Variants in RBFOX2 observed in about 807,000 individuals in gnomAD.
The protein encoded by RBFOX2 is RNA binding protein fox-1 homolog 2.
A neutral mutation model predicts 49.1 loss-of-function variants in RBFOX2; 10 were observed. The observed-to-expected ratio is 0.20, with a 90% confidence interval of 0.13 to 0.35. RBFOX2 has a LOEUF of 0.35. RBFOX2 is among the 10% of genes least tolerant of loss of function. RBFOX2 has a pLI of 1.00. For synonymous variants in RBFOX2, 183 were observed against 187.4 expected, an observed-to-expected ratio of 0.98 and a Z score of 0.19; for missense variants, 323 against 486.9, an observed-to-expected ratio of 0.66 and a Z score of 3.17.
intron 1 of RBFOX2, among the ~76,000 whole-genome samples, chr22:35,850,082 C>T (rs2041728856): frequency 6.6e-6 from 1 of 151,988 alleles, no homozygotes; most frequent in South Asian, 2.1e-4. Context: ...AGAGAATACT[C>T]CCAATCCAGG....
intron 4 of RBFOX2, among the ~76,000 whole-genome samples, chr22:35,770,828 G>A (rs536097615): frequency 6.6e-6 from 1 of 152,138 alleles, no homozygotes; most frequent in Non-Finnish European, 1.5e-5. Flanking sequence ...TCTCAATAAT[G>A]ACTAACATTC....
intron 1 of RBFOX2, among the ~76,000 whole-genome samples, chr22:35,981,693 A>G (rs997753685): frequency 1.2e-4 from 19 of 152,236 alleles, no homozygotes; most frequent in African/African-American, 3.1e-4. Context: ...AGCATTCACC[A>G]AAGTTAATTT....
intron 11 of RBFOX2, among the ~76,000 whole-genome samples, chr22:35,745,198 T>A (rs1034066844): frequency 9.2e-5 from 14 of 152,156 alleles, no homozygotes; most frequent in African/African-American, 3.4e-4. Context: ...AGTTGCCCAG[T>A]TGCATTTTGG....
At chr22:35,921,888 C>T (rs1430304738) in intron 1 of RBFOX2, among the ~76,000 whole-genome samples, 5 of 152,186 alleles carry the variant, frequency 3.3e-5, no homozygotes, top group Non-Finnish European at 4.4e-5. Flanking sequence ...ACTTGCTTTG[C>T]TCTGGGTGCC....
intron 1 of RBFOX2, among the ~76,000 whole-genome samples, chr22:35,977,392 T>C (rs1324842075): frequency 6.6e-6 from 1 of 152,068 alleles, no homozygotes; most frequent in African/African-American, 2.4e-5. Flanking sequence ...GCATTACTAA[T>C]ACCTAAAACA....
At chr22:35,898,460 CTG>C (rs2048148830) in intron 1 of RBFOX2, 2 of 413,774 alleles carry the variant, frequency 4.8e-6, no homozygotes, top group South Asian at 4.6e-5. Flanking sequence ...GGGTCTCACT[CTG>C]TAGCCCAGGC....
upstream of RBFOX2, among the ~76,000 whole-genome samples, chr22:35,842,986 T>TA (rs543248117): frequency 8.6e-5 from 13 of 152,008 alleles, no homozygotes; most frequent in South Asian, 2.3e-3. Context: ...GGTACAAGCT[T>TA]AAAAAAAATG....
chr22:35,777,008 G>C (rs986378903), intron 4 of RBFOX2, among the ~76,000 whole-genome samples: 32 of 151,710 alleles, frequency 2.1e-4, no homozygotes, highest in Non-Finnish European at 1.5e-4. Context: ...AGTAAATAGG[G>C]GAAATAATTT....
chr22:35,900,057 G>C (rs2048379305), intron 1 of RBFOX2, among the ~76,000 whole-genome samples: 1 of 152,182 alleles, frequency 6.6e-6, no homozygotes, highest in Admixed American at 6.5e-5. Context: ...TGGGCAGAAA[G>C]GGTCTGGAGC....
At chr22:35,832,183 C>T (rs1320162635) in intron 1 of RBFOX2, among the ~76,000 whole-genome samples, 1 of 152,098 alleles carries the variant, frequency 6.6e-6, no homozygotes, top group African/African-American at 2.4e-5. Flanking sequence ...ACCAGTCTGG[C>T]CAACATGGTG....
chr22:35,843,370 T>C (rs970031801), upstream of RBFOX2, among the ~76,000 whole-genome samples: 3 of 152,144 alleles, frequency 2.0e-5, no homozygotes, highest in Admixed American at 1.3e-4. Flanking sequence ...GTCTGGGACG[T>C]GGTAAGTACT....
rs117386227 is a variant in RBFOX2, at chr22:35,855,220, A to T, written c.-33-45216T>A. On this transcript the variant is annotated intron_variant, in intron 1 of 13. Coordinates refer to the RBFOX2 transcript ENST00000359369. ...CTAGAAATAAAAAGACTAATTTTCC[A>T]CAATAAACTCAAGAGTTATTGGCTG... Among the ~76,000 whole-genome samples, 94 of 152,306 alleles carry T rather than the reference A, an allele frequency of 6.2e-4. 3 individuals carry two copies. In the East Asian group the frequency reaches 0.017, roughly 28 times the overall value.
chr22:35,848,316 C>A (rs1430428829), intron 1 of RBFOX2, among the ~76,000 whole-genome samples: 1 of 152,090 alleles, frequency 6.6e-6, no homozygotes, highest in Admixed American at 6.5e-5. Flanking sequence ...TAAGTGAAAT[C>A]CACAAATATA....
In RBFOX2 at chr22:35,806,949, G is replaced by A. The variant is rs1036032207; in HGVS notation, c.252+2831C>T. 3.9e-5 allele frequency among the ~76,000 whole-genome samples: 6 copies of A among 152,098 alleles called. No individual in the cohort carries two copies. In the East Asian group the frequency reaches 7.7e-4, roughly 20 times the overall value. On this transcript the variant is annotated intron_variant, in intron 2 of 11. Coordinates refer to ENST00000405409, the Ensembl canonical transcript of RBFOX2. ...CCTCTGAGTAGCTGGGATTACAGGC[G>A]CACACCACCACGCCCGGCTAATTTT...
intron 2 of RBFOX2, among the ~76,000 whole-genome samples, chr22:35,804,385 A>G (rs918963480): frequency 1.3e-5 from 2 of 152,228 alleles, no homozygotes; most frequent in Admixed American, 6.5e-5. Context: ...ATGAATATAT[A>G]TTTCAAAATC....
intron 9 of RBFOX2, among the ~76,000 whole-genome samples, chr22:35,758,657 T>A (rs1478681068): frequency 6.6e-6 from 1 of 152,190 alleles, no homozygotes; most frequent in Non-Finnish European, 1.5e-5. Context: ...GATGATGGAA[T>A]GCATGTGATT....
chr22:35,983,148 T>A (rs966245829), intron 1 of RBFOX2, among the ~76,000 whole-genome samples: 1 of 152,198 alleles, frequency 6.6e-6, no homozygotes, highest in East Asian at 1.9e-4. Flanking sequence ...GGGTGATGAA[T>A]GTAGCTATCA....
At chr22:35,921,700 T>C (rs967652244) in intron 1 of RBFOX2, among the ~76,000 whole-genome samples, 8 of 152,180 alleles carry the variant, frequency 5.3e-5, no homozygotes, top group Non-Finnish European at 1.2e-4. Flanking sequence ...AGTCAGCAAA[T>C]AACAATTATT....
intron 2 of RBFOX2, among the ~76,000 whole-genome samples, chr22:35,802,615 T>C (rs909329216): frequency 2.0e-5 from 3 of 151,848 alleles, no homozygotes; most frequent in East Asian, 1.9e-4. Context: ...AAGGGGGAGA[T>C]TGAAGGAGTG....
Sources: gnomAD v4.1 joint callset for allele counts (sites outside exome capture counted in the v4.1 genomes callset) on GRCh38, gnomAD v4.1.1 for gene constraint, MANE v1.5 for transcripts, NCBI Gene and HGNC (gene_info 2026-07-23, HGNC 2026-07-21) for gene names.